PDE8B: variants seen among roughly 807,000 people sequenced by gnomAD.
PDE8B encodes high affinity cAMP-specific and IBMX-insensitive 3',5'-cyclic phosphodiesterase 8B.
A neutral mutation model predicts 101.3 loss-of-function variants in PDE8B; 26 were observed. The ratio of observed to expected loss-of-function variants is 0.26; its 90% confidence interval spans 0.19 to 0.36. The LOEUF is 0.36. PDE8B is among the 10% of genes least tolerant of loss of function. The pLI is 1.00. For synonymous variants in PDE8B, 424 were observed against 429.3 expected, an observed-to-expected ratio of 0.99 and a Z score of 0.15; for missense variants, 810 against 1,163.1, an observed-to-expected ratio of 0.70 and a Z score of 4.42.
At chr5:77,273,389 T>C (rs1017909218) in intron 1 of PDE8B, among the ~76,000 whole-genome samples, 1 of 152,220 alleles carries the variant, frequency 6.6e-6, no homozygotes, top group African/African-American at 2.4e-5. Flanking sequence ...ATTAATTTGG[T>C]TTTTTAAAAT....
At chr5:77,301,385 T>C (rs1417068019) in intron 1 of PDE8B, among the ~76,000 whole-genome samples, 1 of 152,216 alleles carries the variant, frequency 6.6e-6, no homozygotes, top group Admixed American at 6.5e-5. Flanking sequence ...CTGCTGACCA[T>C]GTAGCAAAAT....
At chr5:77,403,105 T>G (rs961294970) in intron 11 of PDE8B, among the ~76,000 whole-genome samples, 11 of 152,228 alleles carry the variant, frequency 7.2e-5, no homozygotes, top group Non-Finnish European at 7.3e-5. Context: ...GCAAATGCGC[T>G]GAAAATGTGT....
chr5:77,111,057 C>T, the PDE8B span, among the ~76,000 whole-genome samples: 15 of 152,208 alleles, frequency 9.9e-5, no homozygotes, highest in African/African-American at 2.9e-4. Context: ...CTTAATGCTA[C>T]GAAACAATGT....
intron 4 of PDE8B, among the ~76,000 whole-genome samples, chr5:77,330,483 C>T (rs1776911157): frequency 6.6e-6 from 1 of 151,926 alleles, no homozygotes; most frequent in South Asian, 2.1e-4. Context: ...TTATTAATAC[C>T]CTTGGAACCC....
At chr5:77,307,500 T>G (rs1580932503) in intron 1 of PDE8B, among the ~76,000 whole-genome samples, 1 of 152,216 alleles carries the variant, frequency 6.6e-6, no homozygotes, top group South Asian at 2.1e-4. Context: ...AATGAAATGA[T>G]GTATTCCTAA....
At chr5:77,373,909 G>A (rs996906212) in intron 10 of PDE8B, among the ~76,000 whole-genome samples, 21 of 152,240 alleles carry the variant, frequency 1.4e-4, no homozygotes, top group African/African-American at 5.1e-4. Context: ...GAGTGCAATG[G>A]TGCCATCTCA....
the PDE8B span, among the ~76,000 whole-genome samples, chr5:77,092,696 A>G: frequency 6.6e-6 from 1 of 152,066 alleles, no homozygotes; most frequent in East Asian, 1.9e-4. Flanking sequence ...AAGCAGGCGG[A>G]TTACTTGAGC....
intron 1 of PDE8B, among the ~76,000 whole-genome samples, chr5:77,265,101 T>A (rs1468744865): frequency 6.6e-6 from 1 of 152,010 alleles, no homozygotes; most frequent in East Asian, 1.9e-4. Context: ...TGAGTGGGAG[T>A]CTCTAGCCCT....
intron 1 of PDE8B, among the ~76,000 whole-genome samples, chr5:77,234,470 A>G (rs1426373319): frequency 6.6e-6 from 1 of 152,152 alleles, no homozygotes; most frequent in Non-Finnish European, 1.5e-5. Context: ...GGTTGTATTT[A>G]GTTCCCAGAG....
At chr5:77,102,877 G>A in the PDE8B span, among the ~76,000 whole-genome samples, 12 of 152,174 alleles carry the variant, frequency 7.9e-5, no homozygotes, top group Admixed American at 7.9e-4. Context: ...GAAGAGACCC[G>A]CTTGGCTGGC....
At chr5:77,313,703 A>G (rs888671941) in intron 2 of PDE8B, among the ~76,000 whole-genome samples, 2 of 152,208 alleles carry the variant, frequency 1.3e-5, no homozygotes, top group South Asian at 2.1e-4. Flanking sequence ...ACCCACTTCT[A>G]TCAAATATTA....
chr5:77,329,152 G>C, intron 4 of PDE8B, 95 bp downstream of exon 4: 1 of 928,920 alleles, frequency 1.1e-6, no homozygotes, highest in East Asian at 2.5e-5. Flanking sequence ...TAAGCAATGG[G>C]TGTGTCTTGG....
At chr5:77,195,281 C>T in the PDE8B span, among the ~76,000 whole-genome samples, 1 of 152,166 alleles carries the variant, frequency 6.6e-6, no homozygotes, top group Non-Finnish European at 1.5e-5. Flanking sequence ...GGCATGAATC[C>T]ATTCATGAGG....
chr5:77,299,184 A>T (rs1230026444), intron 1 of PDE8B, among the ~76,000 whole-genome samples: 3 of 152,238 alleles, frequency 2.0e-5, no homozygotes, highest in Admixed American at 6.5e-5. Flanking sequence ...AGTGGAGCCC[A>T]TGAATCTGCA....
intron 10 of PDE8B, among the ~76,000 whole-genome samples, chr5:77,357,910 A>G (rs1189069157): frequency 6.6e-6 from 1 of 152,036 alleles, no homozygotes; most frequent in Non-Finnish European, 1.5e-5. Context: ...CATCCTCTCA[A>G]TGGGTTTCTG....
rs532821844 is a variant in PDE8B at position 77,264,073 on chromosome 5, G to A, written c.340-47921G>A. The stretch of plus-strand genomic sequence containing the variant: ...TTGTGTCTGGCTTCTTTCATTTAGC[G>A]TAGTGTTTTAAAGGTTCATCCATGT... On this transcript the variant is annotated intron_variant, in intron 1 of 21. Coordinates refer to ENST00000264917, the MANE Select transcript of PDE8B (RefSeq NM_003719.5). Among the ~76,000 whole-genome samples the A allele has an allele frequency of 3.7e-4, 56 of 152,284 alleles. 1 individual carries two copies. The highest frequency in any genetic ancestry group is 5.9e-4 in the Admixed American group (9 of 15,294).
chr5:77,165,339 T>C, the PDE8B span: 1 of 152,210 alleles, frequency 6.6e-6, no homozygotes, highest in East Asian at 1.9e-4. Context: ...TCTTGAAAAA[T>C]TCCTGAAATT....
chr5:77,396,287 C>T (rs1259707944), intron 10 of PDE8B, among the ~76,000 whole-genome samples: 1 of 152,192 alleles, frequency 6.6e-6, no homozygotes, highest in African/African-American at 2.4e-5. Context: ...GTTGCCCTGT[C>T]ATTATTTTCC....
rs112222219 is a variant in PDE8B, at chr5:77,281,858, C to T, written c.340-30136C>T. Among the ~76,000 whole-genome samples the T allele has an allele frequency of 1.7e-3, 264 of 152,304 alleles. 1 individual carries two copies. Among genetic ancestry groups the T allele is most frequent in the African/African-American group, 5.6e-3 (231 of 41,564 alleles). On this transcript the variant is annotated intron_variant, in intron 1 of 21. Transcript: ENST00000264917. ...TCACCCCCTGTAAATTTTGCTTCTA[C>T]TGTGCGCTACTCCAACCCCTACCCC...
Sources: gnomAD v4.1 joint callset for allele counts (sites outside exome capture counted in the v4.1 genomes callset) on GRCh38, gnomAD v4.1.1 for gene constraint, MANE v1.5 for transcripts, NCBI Gene and HGNC (gene_info 2026-07-23, HGNC 2026-07-21) for gene names.